The following PPP2R2B variants were observed in gnomAD, a reference collection of about 807,000 sequenced individuals.
The protein encoded by PPP2R2B is serine/threonine-protein phosphatase 2A 55 kDa regulatory subunit B beta isoform.
In PPP2R2B, 5 loss-of-function variants were observed where a neutral mutation model predicts 46.0. That is an observed-to-expected ratio of 0.11 (90% CI 0.06 to 0.23). PPP2R2B has a LOEUF of 0.23. PPP2R2B is among the 10% of genes least tolerant of loss of function. The probability of loss-of-function intolerance (pLI) is 1.00; values close to 1 mark genes in which losing one functional copy is unlikely to be tolerated. For synonymous variants in PPP2R2B, 215 were observed against 206.7 expected (o/e 1.04, Z -0.34); for missense variants, 367 against 575.0 (o/e 0.64, Z 3.70).
chr5:146,962,702 T>G (rs1752227380), intron 1 of PPP2R2B, among the ~76,000 whole-genome samples: 1 of 152,004 alleles, frequency 6.6e-6, no homozygotes, highest in African/African-American at 2.4e-5. Flanking sequence ...TACCAATTGA[T>G]GACCCAATCA....
intron 6 of PPP2R2B, among the ~76,000 whole-genome samples, chr5:146,643,908 C>G (rs1262887021): frequency 6.6e-6 from 1 of 152,186 alleles, no homozygotes; most frequent in Non-Finnish European, 1.5e-5. Flanking sequence ...TATTTTCAGC[C>G]TTTTGGGCCT....
At chr5:146,678,744 C>A (rs1777917652) in intron 5 of PPP2R2B, among the ~76,000 whole-genome samples, 1 of 145,732 alleles carries the variant, frequency 6.9e-6, no homozygotes, top group African/African-American at 2.7e-5. Flanking sequence ...TCTTATACAC[C>A]AACAACAGAC....
chr5:146,969,603 G>C (rs1430682190), intron 1 of PPP2R2B, among the ~76,000 whole-genome samples: 1 of 152,238 alleles, frequency 6.6e-6, no homozygotes, highest in African/African-American at 2.4e-5. Flanking sequence ...CCAGGAGCGA[G>C]ATGCAGGTTG....
chr5:146,709,444 CT>C (rs1485925903), intron 2 of PPP2R2B, among the ~76,000 whole-genome samples: 3 of 152,318 alleles, frequency 2.0e-5, no homozygotes, highest in Non-Finnish European at 2.9e-5. Context: ...AACCCACATA[CT>C]TGCTTTTTAG....
At chr5:146,884,847 T>A (rs1246221963) in intron 1 of PPP2R2B, among the ~76,000 whole-genome samples, 1 of 152,208 alleles carries the variant, frequency 6.6e-6, no homozygotes, top group Non-Finnish European at 1.5e-5. Context: ...AAAATTTTAG[T>A]ATAATTTAAA....
chr5:146,664,760 G>A (rs1426850827), intron 5 of PPP2R2B, among the ~76,000 whole-genome samples: 1 of 152,094 alleles, frequency 6.6e-6, no homozygotes, highest in African/African-American at 2.4e-5. Context: ...TTTTTTGGTA[G>A]CGATAGCCTT....
chr5:147,011,575 C>T (rs1251443998), intron 1 of PPP2R2B, among the ~76,000 whole-genome samples: 1 of 151,778 alleles, frequency 6.6e-6, no homozygotes, highest in Non-Finnish European at 1.5e-5. Context: ...TTATTTCCTT[C>T]TCCTGCCTGA....
At chr5:146,749,098 G>A (rs1378278650) in intron 2 of PPP2R2B, among the ~76,000 whole-genome samples, 1 of 152,010 alleles carries the variant, frequency 6.6e-6, no homozygotes, top group Non-Finnish European at 1.5e-5. Context: ...TTTCATTTTA[G>A]CCACTGTGAT....
chr5:146,691,086 C>T (rs765102144), intron 5 of PPP2R2B, 42 bp downstream of exon 5: 1 of 1,568,260 alleles, frequency 6.4e-7, no homozygotes, highest in Non-Finnish European at 8.8e-7. Context: ...CTTAGGAGAC[C>T]TGCCCCTGAC....
intron 1 of PPP2R2B, among the ~76,000 whole-genome samples, chr5:146,994,513 A>G (rs955515182): frequency 3.9e-5 from 6 of 152,196 alleles, no homozygotes; most frequent in African/African-American, 1.4e-4. Context: ...TAAGCAGTTT[A>G]GTACAGGGGG....
rs576421356 is a variant in PPP2R2B, at chr5:146,693,614, T to G, written c.335-2374A>C. Among the ~76,000 whole-genome samples the G allele has an allele frequency of 2.3e-4, 35 of 152,274 alleles. No individual in the cohort carries two copies. In the Middle Eastern group the frequency reaches 0.01, roughly 44 times the overall value. ...GTTTGAATTTCAGATAAGCAAAAAATAATTTAGTATGAGTATATCCCATAT... is the reference window on the plus strand; with the variant it reads ...GTTTGAATTTCAGATAAGCAAAAAAGAATTTAGTATGAGTATATCCCATAT... On this transcript the variant is annotated intron_variant, in intron 4 of 9. Transcript: ENST00000394411.
chr5:146,711,784 G>A (rs1166321352), intron 2 of PPP2R2B, among the ~76,000 whole-genome samples: 2 of 152,178 alleles, frequency 1.3e-5, no homozygotes, highest in African/African-American at 4.8e-5. Context: ...CTCAGTTAGA[G>A]GACTGGGAGG....
chr5:146,600,436 C>G lies in PPP2R2B; in HGVS notation c.815G>C (p.Ser272Thr), dbSNP rs1273683664. 6.2e-7 allele frequency: 1 copy of G among 1,613,752 alleles called. No individual in the cohort carries two copies. Among genetic ancestry groups the G allele is most frequent in the South Asian group, 1.1e-5 (1 of 91,066 alleles). Reference sequence around the variant, plus strand: ...AATTTCAGAGAAAAATGATCTGTTGCTTGGATCTTCCGGCTCTTCAAAAAC... The same window carrying G: ...AATTTCAGAGAAAAATGATCTGTTGGTTGGATCTTCCGGCTCTTCAAAAAC... ...TKFFEEPEDP[S>T]NRSFFSEIIS... Residue 272 changes from serine to threonine, a missense_variant, in exon 8 of 10, where the codon AGC becomes ACC. Physicochemically the swap from Ser to Thr is moderately conservative, Grantham distance 58. This residue lies in a region of PPP2R2B where 361 missense variants were observed against 545.5 expected (regional missense o/e 0.66). Transcript: ENST00000394411.
At chr5:146,621,120 G>A (rs1031442008) in intron 7 of PPP2R2B, among the ~76,000 whole-genome samples, 2 of 152,238 alleles carry the variant, frequency 1.3e-5, no homozygotes, top group Non-Finnish European at 2.9e-5. Context: ...GAGGGACCCT[G>A]GTGTGAGCTG....
chr5:146,749,650 C>T (rs1477244092), intron 2 of PPP2R2B, among the ~76,000 whole-genome samples: 1 of 146,984 alleles, frequency 6.8e-6, no homozygotes, highest in Non-Finnish European at 1.5e-5. Flanking sequence ...CAGTCTGTCG[C>T]CCAGGCTGGA....
chr5:146,940,798 T>G (rs1180351056), intron 1 of PPP2R2B, among the ~76,000 whole-genome samples: 1 of 152,202 alleles, frequency 6.6e-6, no homozygotes, highest in Non-Finnish European at 1.5e-5. Context: ...TTCCACTGAA[T>G]TCTCTATCAT....
intron 5 of PPP2R2B, among the ~76,000 whole-genome samples, chr5:146,688,866 G>A (rs1179992613): frequency 6.6e-6 from 1 of 152,036 alleles, no homozygotes; most frequent in Non-Finnish European, 1.5e-5. Flanking sequence ...TAAAGTCTGG[G>A]CAGAAGTTCA....
intron 2 of PPP2R2B, among the ~76,000 whole-genome samples, chr5:146,835,510 G>T (rs1231950302): frequency 2.0e-5 from 3 of 151,996 alleles, no homozygotes; most frequent in Non-Finnish European, 2.9e-5. Flanking sequence ...ACTGAACTTG[G>T]GGCGGAAAGA....
intron 7 of PPP2R2B, chr5:146,607,738 G>A (rs1772427526): frequency 6.6e-6 from 1 of 152,174 alleles, no homozygotes; most frequent in South Asian, 2.1e-4. Context: ...GAAGTGAGGA[G>A]CAAATGGGCT....
Sources: allele counts gnomAD v4.1 joint callset (sites outside exome capture counted in the v4.1 genomes callset), GRCh38; gene constraint gnomAD v4.1.1; regional missense constraint gnomAD v4.1.1; transcripts MANE v1.5; gene names NCBI Gene and HGNC (gene_info 2026-07-23, HGNC 2026-07-21).